The following MARK2 variants were observed in gnomAD, a reference collection of about 807,000 sequenced individuals.
The protein encoded by MARK2 is serine/threonine-protein kinase MARK2.
Under a neutral mutation model 89.8 loss-of-function variants are expected in MARK2, and 16 were observed. The observed-to-expected ratio is 0.18, with a 90% CI of 0.12 to 0.27. The LOEUF (loss-of-function observed/expected upper bound fraction) is 0.27. MARK2 is among the 10% of genes least tolerant of loss of function. The pLI is 1.00. For synonymous variants in MARK2, 382 were observed against 399.5 expected, an observed-to-expected ratio of 0.96 and a Z score of 0.52; for missense variants, 621 against 1,049.9, an observed-to-expected ratio of 0.59 and a Z score of 5.65.
rs543057614 is a variant in MARK2, at chr11:63,877,567, T to C, written c.55-17592T>C. On this transcript the variant is annotated intron_variant, in intron 1 of 18. Coordinates refer to ENST00000402010, the MANE Select transcript of MARK2 (RefSeq NM_001039469.3). Reference sequence around the variant, plus strand: ...TACAAAAATTAGTTGGGCATGGTGGTGGGCACCTGTAGTCCCAGCTACTCA... The same window carrying C: ...TACAAAAATTAGTTGGGCATGGTGGCGGGCACCTGTAGTCCCAGCTACTCA... 5.4e-4 allele frequency among the ~76,000 whole-genome samples: 82 copies of C among 151,926 alleles called. 1 individual carries two copies. In the South Asian group the frequency reaches 0.016, roughly 29 times the overall value.
intron 1 of MARK2, among the ~76,000 whole-genome samples, chr11:63,846,435 A>T (rs1375379345): frequency 6.6e-6 from 1 of 151,566 alleles, no homozygotes; most frequent in Non-Finnish European, 1.5e-5. Flanking sequence ...AGCTCACTGC[A>T]ACCTCCGCCT....
intron 1 of MARK2, among the ~76,000 whole-genome samples, chr11:63,866,716 T>C (rs993468961): frequency 6.6e-6 from 1 of 152,226 alleles, no homozygotes. Context: ...TTTTTTTGTT[T>C]TTTGTTTTAA....
rs562424680 is a variant in MARK2 at position 63,873,404 on chromosome 11, G to A, written c.55-21755G>A. On this transcript the variant is annotated intron_variant, in intron 1 of 18. Coordinates refer to ENST00000402010, the MANE Select transcript of MARK2 (RefSeq NM_001039469.3). Reference sequence around the variant, plus strand: ...AGACAGTGGCTGAAAGGTCAAGAGAGTGGTAGCTGCTCCTTTGAGAGAAAG... The same window carrying A: ...AGACAGTGGCTGAAAGGTCAAGAGAATGGTAGCTGCTCCTTTGAGAGAAAG... Among the ~76,000 whole-genome samples the A allele has an allele frequency of 1.5e-3, 229 of 152,316 alleles. 2 individuals are homozygous for A. Among genetic ancestry groups the A allele is most frequent in the South Asian group, 8.1e-3 (39 of 4,826 alleles).
intron 1 of MARK2, among the ~76,000 whole-genome samples, chr11:63,850,834 C>A (rs924811205): frequency 6.6e-6 from 1 of 151,870 alleles, no homozygotes; most frequent in African/African-American, 2.4e-5. Flanking sequence ...TTTCTTTCTT[C>A]CTTTCTTTTT....
At chr11:63,883,826 A>ATC (rs1412015340) in intron 1 of MARK2, among the ~76,000 whole-genome samples, 1 of 152,020 alleles carries the variant, frequency 6.6e-6, no homozygotes, top group Non-Finnish European at 1.5e-5. Flanking sequence ...GGCTCAAGGG[A>ATC]TCTGCCTGTC....
chr11:63,883,601 A>G (rs370474173), intron 1 of MARK2, among the ~76,000 whole-genome samples: 11 of 151,722 alleles, frequency 7.3e-5, no homozygotes, highest in Middle Eastern at 3.4e-3. Flanking sequence ...TTCCTTTGAG[A>G]CAGGGTCTTA....
intron 1 of MARK2, among the ~76,000 whole-genome samples, chr11:63,846,822 A>T (rs1565093394): frequency 6.6e-6 from 1 of 151,412 alleles, no homozygotes; most frequent in Non-Finnish European, 1.5e-5. Flanking sequence ...CACCCGGCTA[A>T]TTTTTTTGTA....
At chr11:63,854,743 G>A (rs538881222) in intron 1 of MARK2, among the ~76,000 whole-genome samples, 4 of 150,256 alleles carry the variant, frequency 2.7e-5, no homozygotes, top group Admixed American at 2.0e-4. Context: ...GCTGAGGCAG[G>A]AGAATTGCAG....
At chr11:63,846,275 GGGAGGCCACGGCA>G (rs1467543275) in intron 1 of MARK2, among the ~76,000 whole-genome samples, 1 of 151,826 alleles carries the variant, frequency 6.6e-6, no homozygotes, top group Non-Finnish European at 1.5e-5. Flanking sequence ...CCAGCACTTC[GGGAGGCCACGGCA>G]GGAGGATCAC....
rs1039321713 is a variant in MARK2, at chr11:63,902,683, G to C, written c.1317G>C (p.Glu439Asp). ...SNNAENKRPE[E>D]DRESGRKASS... is the part of the protein sequence containing the mutation. ...ACGCAGAAAATAAGCGGCCTGAGGA[G>C]GACCGGGAGTCAGGGCGGAAAGCCA... Residue 439 changes from glutamate to aspartate, a missense_variant, in exon 13 of 19, where the codon GAG becomes GAC. Glu to Asp is a conservative substitution (Grantham distance 45, BLOSUM62 2). Transcript: ENST00000402010. This position sits in a 1 kb window ranked among gnomAD's most constrained non-coding sequence, Gnocchi z 4.2. 1.9e-6 allele frequency: 3 copies of C among 1,614,058 alleles called. No individual in the cohort carries two copies. The highest frequency in any genetic ancestry group is 2.5e-6 in the Non-Finnish European group (3 of 1,180,020).
intron 2 of MARK2, 117 bp from the exon 3 acceptor site, chr11:63,895,463 G>A: frequency 1.4e-6 from 2 of 1,421,248 alleles, no homozygotes; most frequent in African/African-American, 2.8e-5. Flanking sequence ...CTGAGATATA[G>A]GGGTGCAAAA....
In MARK2 at chr11:63,903,207, AC is replaced by A. The variant is rs758663249; in HGVS notation, c.1514+50del. On this transcript the variant is annotated intron_variant, in intron 14 of 18. Coordinates refer to ENST00000402010, the MANE Select transcript of MARK2 (RefSeq NM_001039469.3). This position sits in a 1 kb window ranked among gnomAD's most constrained non-coding sequence, Gnocchi z 5.1. ...CCTCACTCCCTAGGAGCCATGTCTC[AC>A]AGGGTGATGTCTGTCAGCAGCACCG... 4 of 1,372,702 alleles carry A rather than the reference AC, an allele frequency of 2.9e-6. No individual in the cohort carries two copies. The South Asian group carries it at 4.6e-5, about 16-fold the overall frequency. The allele number at this position is 1,372,702 out of a possible 1,614,324, so 85.0% of individuals were successfully genotyped here.
intron 1 of MARK2, among the ~76,000 whole-genome samples, chr11:63,846,235 A>G (rs1015474460): frequency 3.3e-5 from 5 of 151,846 alleles, no homozygotes; most frequent in Non-Finnish European, 5.9e-5. Flanking sequence ...AAGTTTCTCA[A>G]GCTAGGTGTG....
intron 1 of MARK2, among the ~76,000 whole-genome samples, chr11:63,840,787 A>G (rs2015975439): frequency 6.6e-6 from 1 of 152,140 alleles, no homozygotes; most frequent in Non-Finnish European, 1.5e-5. Context: ...ATGCCCAGGA[A>G]GTCCAGGTGT....
intron 1 of MARK2, among the ~76,000 whole-genome samples, chr11:63,856,975 C>T (rs552601519): frequency 6.6e-6 from 1 of 151,134 alleles, no homozygotes; most frequent in South Asian, 2.1e-4. Flanking sequence ...CCATGCCCGG[C>T]TAATTTTTTG....
At chr11:63,841,250 T>C (rs1304581999) in intron 1 of MARK2, among the ~76,000 whole-genome samples, 1 of 152,220 alleles carries the variant, frequency 6.6e-6, no homozygotes, top group Non-Finnish European at 1.5e-5. Flanking sequence ...TTCTATTTTG[T>C]TACCCCCTGG....
intron 1 of MARK2, among the ~76,000 whole-genome samples, chr11:63,877,566 G>A (rs1008284096): frequency 2.0e-5 from 3 of 151,950 alleles, no homozygotes; most frequent in African/African-American, 7.2e-5. Flanking sequence ...GGGCATGGTG[G>A]TGGGCACCTG....
At chr11:63,885,924 C>T (rs372489236) in intron 1 of MARK2, among the ~76,000 whole-genome samples, 2 of 151,762 alleles carry the variant, frequency 1.3e-5, no homozygotes, top group South Asian at 2.1e-4. Flanking sequence ...GCCAGGAGAT[C>T]GAGACCATCC....
chr11:63,905,651 C>T (rs891762900), intron 16 of MARK2, among the ~76,000 whole-genome samples: 11 of 152,216 alleles, frequency 7.2e-5, no homozygotes, highest in African/African-American at 7.2e-5. Flanking sequence ...GATCTCTTCA[C>T]GGGGTTTCTC....
Sources: gnomAD v4.1 joint callset for allele counts (sites outside exome capture counted in the v4.1 genomes callset) on GRCh38, gnomAD v4.1.1 for gene constraint, Gnocchi (gnomAD v3.1) non-coding constraint, MANE v1.5 for transcripts, NCBI Gene and HGNC (gene_info 2026-07-23, HGNC 2026-07-21) for gene names.